Variants in PCDH15 observed in about 807,000 individuals in gnomAD.
PCDH15 encodes the protein protocadherin related 15, also known as protocadherin-15.
PCDH15 carries 129 observed loss-of-function variants against 178.5 expected under a neutral mutation model. The observed-to-expected ratio is 0.72, with a 90% CI of 0.63 to 0.84. PCDH15 has a LOEUF of 0.84. Among genes scored for constraint, PCDH15 ranks in the 40% least tolerant of loss-of-function variants. The pLI, the probability that PCDH15 is intolerant of heterozygous loss-of-function variation, is 0.00. For missense variants in PCDH15, 2,230 were observed against 2,099.9 expected (o/e 1.06, Z -1.21); for synonymous variants, 800 against 732.0 (o/e 1.09, Z -1.50).
intron 37 of PCDH15, among the ~76,000 whole-genome samples, chr10:53,810,009 C>T (rs1328765460): frequency 6.6e-6 from 1 of 152,074 alleles, no homozygotes; most frequent in Non-Finnish European, 1.5e-5. Flanking sequence ...GCCACAGTGA[C>T]ATTTATTTCT....
At chr10:54,541,349 G>A (rs1208855481) in intron 2 of PCDH15, among the ~76,000 whole-genome samples, 2 of 152,012 alleles carry the variant, frequency 1.3e-5, no homozygotes, top group Non-Finnish European at 2.9e-5. Flanking sequence ...TTTTTGATGT[G>A]CATTTAACAT....
intron 21 of PCDH15, 162 bp downstream of exon 21, chr10:53,995,487 C>T: frequency 2.3e-6 from 3 of 1,300,524 alleles, no homozygotes; most frequent in Non-Finnish European, 2.1e-6. Context: ...CTGAAATATG[C>T]TCTGTACCTG....
At chr10:55,161,184 A>G (rs1839055896) in intron 2 of PCDH15, among the ~76,000 whole-genome samples, 1 of 152,114 alleles carries the variant, frequency 6.6e-6, no homozygotes, top group Admixed American at 6.6e-5. Flanking sequence ...AGGCTGAAAG[A>G]GTTTATTCTC....
intron 14 of PCDH15, among the ~76,000 whole-genome samples, chr10:54,135,188 G>A (rs1440866633): frequency 6.9e-6 from 1 of 145,394 alleles, no homozygotes; most frequent in Non-Finnish European, 1.5e-5. Context: ...GGGTGACAGG[G>A]CGAGACTCTG....
intron 2 of PCDH15, among the ~76,000 whole-genome samples, chr10:55,433,683 TTA>T (rs57983621): frequency 0.37 from 56,351 of 151,862 alleles, 11,342 homozygotes; most frequent in East Asian, 0.85. Flanking sequence ...TCATTCATTT[TTA>T]TGATTTATAA....
rs1359394624 is a variant in PCDH15 at position 53,802,941 on chromosome 10, C to G, written c.*3638G>C. 2.0e-5 allele frequency: 3 copies of G among 151,772 alleles called. No individual in the cohort carries two copies. Among genetic ancestry groups the G allele is most frequent in the African/African-American group, 7.2e-5 (3 of 41,388 alleles). The allele number at this position is 151,772 out of a possible 1,614,324, so 9.4% of individuals were successfully genotyped here. A position where few individuals can be genotyped will look rare whatever the true frequency, so the allele number is the denominator to read the frequency against. On this transcript the variant is annotated 3_prime_UTR_variant, in exon 38 of 38. Coordinates refer to ENST00000644397, the MANE Select transcript of PCDH15 (RefSeq NM_001384140.1). ...TGAAGGTGTTGATAGATTTTTCAAA[C>G]TATAGACAATGTTCGAATCTTCCAT...
intron 9 of PCDH15, among the ~76,000 whole-genome samples, chr10:54,236,546 G>A (rs1466830339): frequency 6.6e-6 from 1 of 152,086 alleles, no homozygotes; most frequent in African/African-American, 2.4e-5. Flanking sequence ...AAGTTGATAT[G>A]TAGAAAAATA....
intron 3 of PCDH15, among the ~76,000 whole-genome samples, chr10:54,518,395 C>T (rs1225663895): frequency 9.2e-5 from 14 of 152,052 alleles, no homozygotes; most frequent in South Asian, 2.1e-4. Flanking sequence ...ACCGATCCCA[C>T]AGAAATACAA....
intron 13 of PCDH15, among the ~76,000 whole-genome samples, chr10:54,154,319 G>T (rs1213886748): frequency 6.6e-6 from 1 of 152,032 alleles, no homozygotes; most frequent in Non-Finnish European, 1.5e-5. Context: ...ACACATGAGG[G>T]AATATAATTA....
At chr10:54,216,067 A>AAG (rs1320781414) in intron 9 of PCDH15, among the ~76,000 whole-genome samples, 3 of 148,478 alleles carry the variant, frequency 2.0e-5, no homozygotes, top group South Asian at 2.1e-4. Flanking sequence ...AAAAAAAAAA[A>AAG]AGAGAAATTT....
intron 2 of PCDH15, among the ~76,000 whole-genome samples, chr10:54,579,498 T>C (rs1269926346): frequency 2.0e-5 from 3 of 151,944 alleles, no homozygotes; most frequent in African/African-American, 7.3e-5. Flanking sequence ...AACAAATACT[T>C]CAAAACCTAT....
intron 15 of PCDH15, among the ~76,000 whole-genome samples, chr10:54,091,590 A>C (rs1205702478): frequency 1.3e-5 from 2 of 152,220 alleles, no homozygotes; most frequent in Admixed American, 1.3e-4. Context: ...GAATCAAGGG[A>C]AACTGAAAAT....
At chr10:55,133,218 G>A (rs192966089) in intron 2 of PCDH15, among the ~76,000 whole-genome samples, 1 of 152,218 alleles carries the variant, frequency 6.6e-6, no homozygotes, top group African/African-American at 2.4e-5. Flanking sequence ...TCTGATCAAG[G>A]TCACTATTGG....
chr10:55,321,123 G>T (rs1263142153), upstream of PCDH15, among the ~76,000 whole-genome samples: 1 of 150,046 alleles, frequency 6.7e-6, no homozygotes, highest in Admixed American at 6.6e-5. Flanking sequence ...GAGAGAAAGA[G>T]AAAGGAAAAG....
chr10:54,808,597 G>A (rs1952814433), intron 3 of PCDH15, among the ~76,000 whole-genome samples: 1 of 152,142 alleles, frequency 6.6e-6, no homozygotes, highest in Non-Finnish European at 1.5e-5. Context: ...ATAATGGACA[G>A]CTGATTTATT....
intron 1 of PCDH15, among the ~76,000 whole-genome samples, chr10:55,201,951 C>A (rs1174061450): frequency 6.6e-6 from 1 of 151,862 alleles, no homozygotes; most frequent in East Asian, 1.9e-4. Flanking sequence ...ATTTTTTCCC[C>A]CTAGGTTTAG....
At chr10:54,433,728 C>T (rs892290347) in intron 3 of PCDH15, among the ~76,000 whole-genome samples, 4 of 152,094 alleles carry the variant, frequency 2.6e-5, no homozygotes, top group African/African-American at 9.7e-5. Flanking sequence ...AGGATAAATG[C>T]TTGAGGGGAT....
In PCDH15 at chr10:54,436,261, G is replaced by GT. The variant is rs146022019; in HGVS notation, c.158-57320dup. Among the ~76,000 whole-genome samples the GT allele has an allele frequency of 1.4e-3, 214 of 151,006 alleles. 2 individuals are homozygous for GT. The highest frequency in any genetic ancestry group is 8.8e-3 in the South Asian group (42 of 4,768). Reference sequence around the variant, plus strand: ...CAAAGAACACATCCACATTTAATGGGTTTTTTTTTGTTTGTGTTTTTGAAA... The same window carrying GT: ...CAAAGAACACATCCACATTTAATGGGTTTTTTTTTTGTTTGTGTTTTTGAAA... On this transcript the variant is annotated intron_variant, in intron 3 of 37. Coordinates refer to ENST00000644397, the MANE Select transcript of PCDH15 (RefSeq NM_001384140.1).
intron 2 of PCDH15, among the ~76,000 whole-genome samples, chr10:54,919,850 T>C (rs555319310): frequency 1.3e-5 from 2 of 152,150 alleles, no homozygotes; most frequent in East Asian, 3.9e-4. Flanking sequence ...ACCTTCCCAT[T>C]TGAGGATACC....
Sources: allele counts gnomAD v4.1 joint callset (sites outside exome capture counted in the v4.1 genomes callset), GRCh38; gene constraint gnomAD v4.1.1; transcripts MANE v1.5; gene names NCBI Gene and HGNC (gene_info 2026-07-23, HGNC 2026-07-21).